KPNB1: variants seen among roughly 807,000 people sequenced by gnomAD.
KPNB1 encodes the protein importin subunit beta-1.
A neutral mutation model predicts 113.0 loss-of-function variants in KPNB1; 7 were observed. That is an observed-to-expected ratio of 0.06 (90% CI 0.04 to 0.12). The LOEUF (loss-of-function observed/expected upper bound fraction) is 0.12. Ranked by LOEUF, KPNB1 falls within the 10% of genes least tolerant of loss-of-function variation. KPNB1 has a pLI of 1.00. For missense variants in KPNB1, 400 were observed against 1,054.8 expected, an observed-to-expected ratio of 0.38 and a Z score of 8.60; for synonymous variants, 363 against 378.6, an observed-to-expected ratio of 0.96 and a Z score of 0.48.
At chr17:47,650,542 C>T (rs1482762131) in intron 2 of KPNB1, 98 bp downstream of exon 2, 17 of 918,214 alleles carry the variant, frequency 1.9e-5, no homozygotes, top group Non-Finnish European at 2.7e-5. Context: ...GGAACCTACC[C>T]CGCCCCATCC....
chr17:47,649,958 C>A lies in KPNB1; in HGVS notation c.-287C>A. On this transcript the variant is annotated 5_prime_UTR_variant, in exon 1 of 22. Transcript: ENST00000290158. ...CGCCTCTCACTCACAGCCTCCCTTC[C>A]TTCTTTCTCCCTCCGCCTCCCGAGC... 7.6e-7 allele frequency: 1 copy of A among 1,322,772 alleles called. No homozygotes were observed. The highest frequency in any genetic ancestry group is 9.6e-7 in the Non-Finnish European group (1 of 1,040,636). 81.9% of individuals were successfully genotyped at this position (1,322,772 alleles called of 1,614,324 possible). A position where few individuals can be genotyped will look rare whatever the true frequency, so the allele number is the denominator to read the frequency against.
intron 4 of KPNB1, 30 bp downstream of exon 4, chr17:47,657,090 T>C: frequency 6.3e-7 from 1 of 1,578,928 alleles, no homozygotes; most frequent in Non-Finnish European, 8.7e-7. Context: ...ATCTGGTTTA[T>C]ATACCTCTGA....
intron 2 of KPNB1, among the ~76,000 whole-genome samples, chr17:47,650,787 C>T (rs894754746): frequency 2.0e-5 from 3 of 151,774 alleles, no homozygotes; most frequent in African/African-American, 4.8e-5. Context: ...GGGGTGGGGG[C>T]GGGGGAGTCG....
intron 12 of KPNB1, among the ~76,000 whole-genome samples, chr17:47,672,098 T>C (rs1480519133): frequency 6.6e-6 from 1 of 151,436 alleles, no homozygotes; most frequent in Non-Finnish European, 1.5e-5. Context: ...TGCAACCTCC[T>C]GGGTTCAAGT....
chr17:47,653,588 T>A (rs1322774338), intron 3 of KPNB1, among the ~76,000 whole-genome samples: 1 of 152,204 alleles, frequency 6.6e-6, no homozygotes, highest in Non-Finnish European at 1.5e-5. Context: ...CTTACATGGG[T>A]AAGGCACAAA....
chr17:47,674,681 C>G lies in KPNB1; in HGVS notation c.1811C>G (p.Ser604Cys). The G allele has an allele frequency of 6.2e-7, 1 of 1,614,120 alleles. No homozygotes were observed. The highest frequency in any genetic ancestry group is 8.5e-7 in the Non-Finnish European group (1 of 1,179,942). The part of the protein sequence containing the change: ...KVQHQDALQI[S>C]DVVMASLLRM... Reference sequence around the variant, plus strand: ...CAACATCAAGATGCTTTGCAGATCTCTGATGTGGTTATGGCCTCCCTGTTA... The same window carrying G: ...CAACATCAAGATGCTTTGCAGATCTGTGATGTGGTTATGGCCTCCCTGTTA... The change falls in exon 15 of 22, where the codon TCT (serine) becomes TGT (cysteine). Residue 604 changes from serine to cysteine, a missense_variant. Physicochemically the swap from Ser to Cys is moderately radical, Grantham distance 112 (BLOSUM62 -1). Transcript: ENST00000290158.
Position 47,682,401 on chromosome 17 carries a change from C to G in KPNB1, c.*-3C>G. 1.3e-6 allele frequency: 1 copy of G among 780,502 alleles called. No homozygotes were observed. Among genetic ancestry groups the G allele is most frequent in the Non-Finnish European group, 2.4e-6 (1 of 418,052 alleles). 48.3% of individuals were successfully genotyped at this position (780,502 alleles called of 1,614,324 possible). A position where few individuals can be genotyped will look rare whatever the true frequency, so the allele number is the denominator to read the frequency against. ...ATTGACCTTTTTTTCCATCTGTTTT[C>G]AGATCTGTTACCATTGGGATGATAA... On this transcript the variant is annotated splice_region_variant and splice_polypyrimidine_tract_variant and intron_variant, in intron 21 of 21. Transcript: ENST00000290158.
chr17:47,669,831 C>T lies in KPNB1; in HGVS notation c.1378C>T (p.Leu460Phe), dbSNP rs2030396284. The change falls in exon 11 of 22, where the codon CTC becomes TTC. Residue 460 changes from leucine to phenylalanine, a missense_variant. Around this residue, in one of 2 missense-constraint regions of KPNB1, gnomAD observed 285 missense variants for 627.0 expected, o/e 0.45. Transcript: ENST00000290158. ...APLLQCLIEG[L>F]SAEPRVASNV... ...CCTGCTACAGTGTCTGATTGAGGGT[C>T]TCAGTGCTGAACCCAGAGTGGCTTC... 6.2e-7 allele frequency: 1 copy of T among 1,613,450 alleles called. No individual in the cohort carries two copies. The highest frequency in any genetic ancestry group is 8.5e-7 in the Non-Finnish European group (1 of 1,179,496).
chr17:47,658,689 T>C, intron 5 of KPNB1, 29 bp downstream of exon 5: 1 of 1,592,210 alleles, frequency 6.3e-7, no homozygotes, highest in African/African-American at 1.3e-5. Context: ...AGGTATAGAT[T>C]CAGACAGTAA....
In KPNB1 at chr17:47,683,734, T is replaced by C. The variant is rs1237712228; in HGVS notation, c.*1330T>C. On this transcript the variant is annotated 3_prime_UTR_variant, in exon 22 of 22. Transcript: ENST00000290158. The stretch of plus-strand genomic sequence containing the variant: ...CCAACAAAACAAAAACAAAAAAAAG[T>C]GTGTGTTGTGTGAATACACACACAC... The C allele has an allele frequency of 7.9e-3, 4 of 506 alleles. No individual in the cohort carries two copies. The highest frequency in any genetic ancestry group is 0.17 in the South Asian group (1 of 6). 0.0% of individuals were successfully genotyped at this position (506 alleles called of 1,614,324 possible).
intron 10 of KPNB1, among the ~76,000 whole-genome samples, chr17:47,668,843 C>G (rs1013376393): frequency 1.3e-5 from 2 of 151,332 alleles, no homozygotes; most frequent in African/African-American, 4.9e-5. Context: ...CATTATTATT[C>G]TATTCTTTGG....
Position 47,670,825 on chromosome 17 carries a change from A to G in KPNB1, c.1540A>G (p.Thr514Ala), listed in dbSNP as rs758185985. The change falls in exon 12 of 22, where the codon ACA becomes GCA. Residue 514 changes from threonine to alanine, a missense_variant. Thr to Ala is a moderately conservative substitution (Grantham distance 58). Around this residue, in one of 2 missense-constraint regions of KPNB1, gnomAD observed 285 missense variants for 627.0 expected, o/e 0.45. Transcript: ENST00000290158. ...CATAGTTCAGAAGCTCCTAGAGACT[A>G]CAGACAGGTAACTGATATTTCACAG... is the stretch of plus-strand genomic sequence containing the variant. ...ELIVQKLLET[T>A]DRPDGHQNNL... 1 of 1,601,592 alleles carries G rather than the reference A, an allele frequency of 6.2e-7. No individual in the cohort carries two copies. The highest frequency in any genetic ancestry group is 8.5e-7 in the Non-Finnish European group (1 of 1,169,904).
rs749289529 is a variant in KPNB1, at chr17:47,652,741, C to T, written c.147C>T (p.Asn49=). The T allele has an allele frequency of 7.4e-6, 12 of 1,612,656 alleles. No homozygotes were observed. The highest frequency in any genetic ancestry group is 1.3e-5 in the African/African-American group (1 of 74,846). Residue 49 remains asparagine, a synonymous_variant, in exon 3 of 22, where the codon AAC becomes AAT. Coordinates refer to ENST00000290158, the MANE Select transcript of KPNB1 (RefSeq NM_002265.6). ...ELSRVLANPG[N]SQVARVAAGL... ...CCAGAGTGCTGGCAAATCCAGGAAA[C>T]AGTCAGGTTGCCAGAGTTGCAGCTG...
intron 11 of KPNB1, chr17:47,670,459 T>C: frequency 3.0e-6 from 1 of 334,860 alleles, no homozygotes; most frequent in South Asian, 5.7e-5. Context: ...AAATGGCAGG[T>C]ATTGGTGAAA....
chr17:47,651,091 C>A (rs1400511000), intron 2 of KPNB1: 1 of 287,434 alleles, frequency 3.5e-6, no homozygotes, highest in Non-Finnish European at 5.2e-6. Context: ...GAGACCTAAT[C>A]ACTAGGGATC....
chr17:47,681,277 T>TTTTTTC (rs1237745911), intron 21 of KPNB1, among the ~76,000 whole-genome samples: 2 of 149,564 alleles, frequency 1.3e-5, no homozygotes, highest in African/African-American at 4.9e-5. Flanking sequence ...TTTTTTTTTT[T>TTTTTTC]TTTTTCTTTT....
intron 15 of KPNB1, among the ~76,000 whole-genome samples, chr17:47,675,417 C>A: frequency 9.3e-6 from 1 of 107,826 alleles, no homozygotes; most frequent in Non-Finnish European, 1.9e-5. Context: ...GTTCTGTTGC[C>A]CAGGATGGAG....
chr17:47,660,960 T>C (rs1275159059), intron 5 of KPNB1, among the ~76,000 whole-genome samples, 159 bp from the exon 6 acceptor site: 7 of 152,188 alleles, frequency 4.6e-5, no homozygotes, highest in Non-Finnish European at 8.8e-5. Context: ...GCCTTTATAG[T>C]GCTGTACCAT....
chr17:47,654,301 G>GTTTTT (rs907938046), intron 3 of KPNB1, among the ~76,000 whole-genome samples: 7 of 151,794 alleles, frequency 4.6e-5, no homozygotes, highest in Non-Finnish European at 7.4e-5. Context: ...TGTAGTCTCA[G>GTTTTT]CTACTCTGGA....
Sources: allele counts gnomAD v4.1 joint callset (sites outside exome capture counted in the v4.1 genomes callset), GRCh38; gene constraint gnomAD v4.1.1; regional missense constraint gnomAD v4.1.1; transcripts MANE v1.5; gene names NCBI Gene and HGNC (gene_info 2026-07-23, HGNC 2026-07-21).